Variants in FAT4 observed in about 807,000 individuals in gnomAD.
FAT4 encodes the protein FAT atypical cadherin 4.
Under a neutral mutation model 303.9 loss-of-function variants are expected in FAT4, and 84 were observed. The observed-to-expected ratio is 0.28, with a 90% confidence interval of 0.23 to 0.33. The LOEUF (loss-of-function observed/expected upper bound fraction) is 0.33, where lower values mean the gene tolerates loss of function less well. FAT4 is among the 10% of genes least tolerant of loss of function. FAT4 has a pLI of 1.00. For synonymous variants in FAT4, 2,307 were observed against 2,298.8 expected, an observed-to-expected ratio of 1.00 and a Z score of -0.10; for missense variants, 6,005 against 6,146.8, an observed-to-expected ratio of 0.98 and a Z score of 0.77.
In FAT4 at chr4:125,320,428, A is replaced by C. The variant is rs763415773; in HGVS notation, c.4017A>C (p.Ala1339=). ...GTGAACTCGTGTCCTCTGTTACTGCAACTGATTCCGATTCAGGTGACAATG... is the reference window on the plus strand; with the variant it reads ...GTGAACTCGTGTCCTCTGTTACTGCCACTGATTCCGATTCAGGTGACAATG... The part of the protein sequence containing the change: ...RIGELVSSVT[A]TDSDSGDNAD... Residue 1339 remains alanine, a synonymous_variant, in exon 2 of 18, where the codon GCA becomes GCC. Coordinates refer to ENST00000394329, the MANE Select transcript of FAT4 (RefSeq NM_001291303.3). The C allele has an allele frequency of 5.0e-6, 8 of 1,614,060 alleles. No homozygotes were observed. The highest frequency in any genetic ancestry group is 5.9e-6 in the Non-Finnish European group (7 of 1,179,912).
Position 125,317,508 on chromosome 4 carries a change from C to G in FAT4, c.1097C>G (p.Ser366Trp). The stretch of plus-strand genomic sequence containing the variant: ...TTCCCGGCCACCTCGCGCTACGCCT[C>G]GGTAGATGAGAATGCTCAAGTGGGC... ...RYFPATSRYA[S>W]VDENAQVGTV... Residue 366 changes from serine to tryptophan, a missense_variant, in exon 2 of 18, where the codon TCG becomes TGG. Physicochemically the swap from Ser to Trp is radical, Grantham distance 177. Coordinates refer to ENST00000394329, the MANE Select transcript of FAT4 (RefSeq NM_001291303.3). This position sits in a 1 kb window ranked among gnomAD's most constrained non-coding sequence, Gnocchi z 7.0. 6.2e-7 allele frequency: 1 copy of G among 1,613,826 alleles called. No individual in the cohort carries two copies. The highest frequency in any genetic ancestry group is 8.5e-7 in the Non-Finnish European group (1 of 1,180,030).
chr4:125,387,944 C>G (rs548968107), intron 2 of FAT4, among the ~76,000 whole-genome samples: 2 of 152,280 alleles, frequency 1.3e-5, no homozygotes, highest in African/African-American at 4.8e-5. Context: ...CAAAAATTCA[C>G]TTTTATCCTC....
In FAT4 at chr4:125,320,147, C is replaced by T. The variant is rs770886307; in HGVS notation, c.3736C>T (p.His1246Tyr). Residue 1246 changes from histidine (H) to tyrosine (Y), a missense_variant, in exon 2 of 18, where the codon CAC (histidine) becomes TAC (tyrosine). Transcript: ENST00000394329. ...DVDEGNNGLI[H>Y]YSIIKGNEER... ...TGATGAAGGTAATAATGGACTTATT[C>T]ACTATTCTATAATAAAAGGAAATGA... is the stretch of plus-strand genomic sequence containing the variant. 1.2e-5 allele frequency: 19 copies of T among 1,613,760 alleles called. No individual in the cohort carries two copies. The highest frequency in any genetic ancestry group is 1.4e-5 in the Non-Finnish European group (16 of 1,179,870).
chr4:125,322,488 A>G (rs971591842), intron 2 of FAT4, among the ~76,000 whole-genome samples: 1 of 152,078 alleles, frequency 6.6e-6, no homozygotes, highest in African/African-American at 2.4e-5. Flanking sequence ...TGATATAGCT[A>G]TACTCCAGAA....
At chr4:125,438,345 A>G (rs997678842) in intron 8 of FAT4, among the ~76,000 whole-genome samples, 3 of 152,184 alleles carry the variant, frequency 2.0e-5, no homozygotes, top group Non-Finnish European at 4.4e-5. Flanking sequence ...CTTGTGAATT[A>G]TGCTTGTAAA....
At chr4:125,339,716 A>T (rs867079977) in intron 2 of FAT4, among the ~76,000 whole-genome samples, 1 of 152,166 alleles carries the variant, frequency 6.6e-6, no homozygotes. Context: ...CTCAGGGAAG[A>T]TTAGTTAACT....
Position 125,476,238 on chromosome 4 carries a change from T to C in FAT4, c.12281T>C (p.Val4094Ala), listed in dbSNP as rs1231886885. Residue 4094 changes from valine to alanine, a missense_variant, in exon 13 of 18, where the codon GTG becomes GCG. Transcript: ENST00000394329. ...CCAGGATATTGTACTGTCAGTAATG[T>C]GGCAGTTTCAGATGACTGGTAAGGA... Reference protein sequence around the residue: ...QEPGYCTVSNVAVSDDWTLDV... With the variant: ...QEPGYCTVSNAAVSDDWTLDV... 1 of 1,591,532 alleles carries C rather than the reference T, an allele frequency of 6.3e-7. No individual in the cohort carries two copies. The highest frequency in any genetic ancestry group is 8.6e-7 in the Non-Finnish European group (1 of 1,165,164).
At chr4:125,486,691 A>G (rs1311788969) in intron 16 of FAT4, among the ~76,000 whole-genome samples, 2 of 152,228 alleles carry the variant, frequency 1.3e-5, no homozygotes, top group Non-Finnish European at 2.9e-5. Flanking sequence ...ACAAAATAAA[A>G]TAAACCAAAT....
At chr4:125,435,377 A>T (rs542284400) in intron 8 of FAT4, among the ~76,000 whole-genome samples, 31 of 152,296 alleles carry the variant, frequency 2.0e-4, no homozygotes, top group Middle Eastern at 6.8e-3. Flanking sequence ...GGTAAATTAG[A>T]GTTGGTTAGA....
intron 8 of FAT4, among the ~76,000 whole-genome samples, chr4:125,436,844 TTTTA>T (rs1725471041): frequency 6.6e-6 from 1 of 151,954 alleles, no homozygotes; most frequent in African/African-American, 2.4e-5. Context: ...TGGGGATTAT[TTTTA>T]TTTATTTATC....
intron 9 of FAT4, 28 bp downstream of exon 9, chr4:125,446,571 G>A: frequency 6.5e-7 from 1 of 1,548,030 alleles, no homozygotes; most frequent in Non-Finnish European, 8.8e-7. Context: ...GAGGCCACAT[G>A]GATATAAACA....
At chr4:125,439,671 CT>C (rs1725584359) in intron 8 of FAT4, among the ~76,000 whole-genome samples, 1 of 152,088 alleles carries the variant, frequency 6.6e-6, no homozygotes. Flanking sequence ...CTATTAATCT[CT>C]TCCCATTCAA....
intron 7 of FAT4, among the ~76,000 whole-genome samples, chr4:125,430,391 A>C (rs1343186385): frequency 1.3e-5 from 2 of 152,140 alleles, no homozygotes; most frequent in African/African-American, 4.8e-5. Context: ...TTTGGAGGTT[A>C]TGCTATCAGT....
chr4:125,352,400 ATTAG>A (rs2125979091), intron 2 of FAT4, among the ~76,000 whole-genome samples: 1 of 151,756 alleles, frequency 6.6e-6, no homozygotes, highest in South Asian at 2.1e-4. Context: ...TCCATGTAAC[ATTAG>A]TTATTTTTAA....
In FAT4 at chr4:125,491,217, C is replaced by T. The variant is rs199895179; in HGVS notation, c.14401C>T (p.Arg4801Cys). 10 of 1,614,084 alleles carry T rather than the reference C, an allele frequency of 6.2e-6. No homozygotes were observed. The highest frequency in any genetic ancestry group is 1.1e-5 in the South Asian group (1 of 91,088). The change falls in exon 18 of 18, where the codon CGC becomes TGC. Residue 4801 changes from arginine to cysteine, a missense_variant. Arg to Cys is a radical substitution (Grantham distance 180). Coordinates refer to ENST00000394329, the MANE Select transcript of FAT4 (RefSeq NM_001291303.3). The part of the protein sequence containing the change: ...IEEVERLNTP[R>C]PRNPSICSAD... Reference sequence around the variant, plus strand: ...AGAAGTGGAGAGGCTCAACACACCTCGCCCTAGAAACCCAAGTATCTGCAG... The same window carrying T: ...AGAAGTGGAGAGGCTCAACACACCTTGCCCTAGAAACCCAAGTATCTGCAG...
chr4:125,437,530 G>A (rs563685590), intron 8 of FAT4, among the ~76,000 whole-genome samples: 10 of 152,280 alleles, frequency 6.6e-5, no homozygotes, highest in Admixed American at 6.5e-5. Flanking sequence ...GTCCTGTAAA[G>A]TCAAATCATA....
rs1400930473 is a variant in FAT4 at position 125,463,742 on chromosome 4, G to A, written c.11905+75G>A. The A allele has an allele frequency of 4.6e-6, 4 of 861,682 alleles. No individual in the cohort carries two copies. The South Asian group carries it at 6.3e-5, about 13-fold the overall frequency. The allele number at this position is 861,682 out of a possible 1,614,324, so 53.4% of individuals were successfully genotyped here. On this transcript the variant is annotated intron_variant, in intron 11 of 17. Coordinates refer to ENST00000394329, the MANE Select transcript of FAT4 (RefSeq NM_001291303.3). ...CAGTTTAGCAATTTTGTTTTATTATGAGTATGAAAGACCAAAAAATTATTG... is the reference window on the plus strand; with the variant it reads ...CAGTTTAGCAATTTTGTTTTATTATAAGTATGAAAGACCAAAAAATTATTG...
At chr4:125,406,029 T>C (rs1309216290) in intron 3 of FAT4, among the ~76,000 whole-genome samples, 1 of 152,180 alleles carries the variant, frequency 6.6e-6, no homozygotes, top group Non-Finnish European at 1.5e-5. Context: ...TAGTTTGATA[T>C]ACTTTCACTT....
At chr4:125,329,243 C>A (rs543161116) in intron 2 of FAT4, among the ~76,000 whole-genome samples, 2 of 152,242 alleles carry the variant, frequency 1.3e-5, no homozygotes, top group East Asian at 3.9e-4. Flanking sequence ...CTTAAATCTA[C>A]TCCCATCAGA....
Sources: allele counts gnomAD v4.1 joint callset (sites outside exome capture counted in the v4.1 genomes callset), GRCh38; gene constraint gnomAD v4.1.1; non-coding constraint Gnocchi (gnomAD v3.1); transcripts MANE v1.5; gene names NCBI Gene and HGNC (gene_info 2026-07-23, HGNC 2026-07-21).